Variants in VWC2L observed in about 807,000 individuals in gnomAD.
VWC2L encodes the protein von Willebrand factor C domain containing 2 like, also known as von Willebrand factor C domain-containing protein 2-like.
In VWC2L, 10 loss-of-function variants were observed where a neutral mutation model predicts 21.6. That is an observed-to-expected ratio of 0.46 (90% CI 0.29 to 0.78). The LOEUF (loss-of-function observed/expected upper bound fraction) is 0.78, where lower values mean the gene tolerates loss of function less well. Ranked by LOEUF, VWC2L falls within the 30% of genes least tolerant of loss-of-function variation. The pLI, the probability that VWC2L is intolerant of heterozygous loss-of-function variation, is 0.10. For missense variants in VWC2L, 209 were observed against 277.1 expected (o/e 0.75, Z 1.74); for synonymous variants, 96 against 94.3 (o/e 1.02, Z -0.10).
At chr2:214,566,399 T>C (rs748175851) in intron 3 of VWC2L, among the ~76,000 whole-genome samples, 4 of 152,134 alleles carry the variant, frequency 2.6e-5, no homozygotes, top group Non-Finnish European at 5.9e-5. Context: ...TTTACTTAAT[T>C]GGAACACCAG....
At chr2:214,531,983 C>T (rs1008502677) in intron 3 of VWC2L, among the ~76,000 whole-genome samples, 20 of 152,096 alleles carry the variant, frequency 1.3e-4, no homozygotes, top group Admixed American at 1.2e-3. Flanking sequence ...ATTTCTCTCT[C>T]AGCTCAGTAA....
chr2:214,506,779 C>A (rs538122041), intron 3 of VWC2L, among the ~76,000 whole-genome samples: 2 of 151,830 alleles, frequency 1.3e-5, no homozygotes, highest in African/African-American at 2.4e-5. Flanking sequence ...AATTATGGAG[C>A]CAATAAAAAT....
intron 3 of VWC2L, among the ~76,000 whole-genome samples, chr2:214,554,503 A>C (rs1015392455): frequency 6.6e-6 from 1 of 152,000 alleles, no homozygotes; most frequent in Non-Finnish European, 1.5e-5. Flanking sequence ...ATCTCCACTA[A>C]AAATACAAAA....
chr2:214,444,294 T>C (rs913466436), intron 3 of VWC2L, among the ~76,000 whole-genome samples: 14 of 151,978 alleles, frequency 9.2e-5, no homozygotes, highest in Non-Finnish European at 1.0e-4. Flanking sequence ...CTCTTAGAAA[T>C]TGATTGTTTT....
At chr2:214,516,960 C>T (rs1689153604) in intron 3 of VWC2L, among the ~76,000 whole-genome samples, 1 of 152,200 alleles carries the variant, frequency 6.6e-6, no homozygotes, top group African/African-American at 2.4e-5. Context: ...CTTATGCCTA[C>T]CCAAGAATTT....
intron 2 of VWC2L, among the ~76,000 whole-genome samples, chr2:214,433,177 T>G (rs1269955944): frequency 7.0e-6 from 1 of 143,308 alleles, no homozygotes; most frequent in African/African-American, 2.5e-5. Context: ...TATATATATA[T>G]ATATATTATA....
In VWC2L at chr2:214,436,037, G is replaced by A. The variant is rs867401254; in HGVS notation, c.391-592G>A. Among the ~76,000 whole-genome samples, 15 of 151,836 alleles carry A rather than the reference G, an allele frequency of 9.9e-5. No individual in the cohort carries two copies. The South Asian group carries it at 1.0e-3, about 10-fold the overall frequency. Reference sequence around the variant, plus strand: ...ATTCATAAAAGCAAGCAGGCAAGATGAAAGGTATTCACTACATCTTTCAAG... The same window carrying A: ...ATTCATAAAAGCAAGCAGGCAAGATAAAAGGTATTCACTACATCTTTCAAG... On this transcript the variant is annotated intron_variant, in intron 2 of 3. Coordinates refer to ENST00000312504, the MANE Select transcript of VWC2L (RefSeq NM_001080500.4).
Position 214,575,905 on chromosome 2 carries a change from C to CA in VWC2L, c.*88dup. On this transcript the variant is annotated 3_prime_UTR_variant, in exon 4 of 4. Transcript: ENST00000312504. ...CATGTTTAACACAAAACAAAACAAA[C>CA]AAACTCCTGCCAGCTACAACAGGGT... 6.9e-7 allele frequency: 1 copy of CA among 1,447,926 alleles called. No homozygotes were observed. Among genetic ancestry groups the CA allele is most frequent in the Non-Finnish European group, 9.3e-7 (1 of 1,075,156 alleles). 89.7% of individuals were successfully genotyped at this position (1,447,926 alleles called of 1,614,324 possible). A position where few individuals can be genotyped will look rare whatever the true frequency, so the allele number is the denominator to read the frequency against.
At chr2:214,427,512 A>G (rs1420823717) in intron 2 of VWC2L, among the ~76,000 whole-genome samples, 2 of 152,210 alleles carry the variant, frequency 1.3e-5, no homozygotes, top group Admixed American at 6.5e-5. Flanking sequence ...CCAATTAACT[A>G]TCTAAAAATA....
At chr2:214,506,957 T>A (rs577943897) in intron 3 of VWC2L, among the ~76,000 whole-genome samples, 1 of 115,556 alleles carries the variant, frequency 8.7e-6, no homozygotes, top group African/African-American at 2.8e-5. Flanking sequence ...GTGGCTAAAA[T>A]TACTGAAAAT....
At chr2:214,502,557 G>A (rs1017745806) in intron 3 of VWC2L, among the ~76,000 whole-genome samples, 1 of 149,118 alleles carries the variant, frequency 6.7e-6, no homozygotes, top group African/African-American at 2.4e-5. Flanking sequence ...GCAACAGAGC[G>A]AGACTCCACG....
At chr2:214,572,117 G>A (rs749468177) in intron 3 of VWC2L, among the ~76,000 whole-genome samples, 38 of 152,154 alleles carry the variant, frequency 2.5e-4, no homozygotes, top group Non-Finnish European at 4.0e-4. Context: ...TAAAAGAGAG[G>A]CCCTCACCAC....
chr2:214,423,341 T>C (rs1702471243), intron 2 of VWC2L, among the ~76,000 whole-genome samples: 1 of 152,124 alleles, frequency 6.6e-6, no homozygotes, highest in Admixed American at 6.5e-5. Context: ...TTAGAGGTGA[T>C]AAAAGAAAGA....
At chr2:214,437,446 T>C (rs1451933901) in intron 3 of VWC2L, among the ~76,000 whole-genome samples, 4 of 152,074 alleles carry the variant, frequency 2.6e-5, no homozygotes, top group Admixed American at 1.3e-4. Flanking sequence ...GAGAAGACAA[T>C]GCAATGCTAT....
chr2:214,421,935 AGGCTGGAGTGCAGT>A (rs1359359617), intron 2 of VWC2L, among the ~76,000 whole-genome samples: 1 of 95,858 alleles, frequency 1.0e-5, no homozygotes, highest in Non-Finnish European at 1.8e-5. Flanking sequence ...TCTGTCGCCC[AGGCTGGAGTGCAGT>A]GGCGCGATCT....
chr2:214,527,072 A>G (rs13412527), intron 3 of VWC2L, among the ~76,000 whole-genome samples: 31,481 of 152,142 alleles, frequency 0.21, 3,815 homozygotes, highest in Admixed American at 0.26. Flanking sequence ...CAGCCATAAA[A>G]AAGAACAACA....
intron 3 of VWC2L, among the ~76,000 whole-genome samples, chr2:214,520,423 T>C (rs1443661601): frequency 6.6e-6 from 1 of 152,182 alleles, no homozygotes; most frequent in Non-Finnish European, 1.5e-5. Context: ...TGGTGGACAG[T>C]AATAATTTCT....
intron 3 of VWC2L, among the ~76,000 whole-genome samples, chr2:214,446,169 A>C (rs1702834730): frequency 6.6e-6 from 1 of 152,232 alleles, no homozygotes; most frequent in Non-Finnish European, 1.5e-5. Flanking sequence ...TGAAACAAAC[A>C]CACTGAACAT....
At chr2:214,573,639 GA>G (rs1690185476) in intron 3 of VWC2L, among the ~76,000 whole-genome samples, 1 of 152,142 alleles carries the variant, frequency 6.6e-6, no homozygotes. Context: ...CTACATTCTG[GA>G]AAAACCTCTC....
Sources: gnomAD v4.1 joint callset for allele counts (sites outside exome capture counted in the v4.1 genomes callset) on GRCh38, gnomAD v4.1.1 for gene constraint, MANE v1.5 for transcripts, NCBI Gene and HGNC (gene_info 2026-07-23, HGNC 2026-07-21) for gene names.